Variants in C2CD3 observed in about 807,000 individuals in gnomAD.
C2CD3 encodes the protein C2 domain containing 3 centriole elongation regulator.
Under a neutral mutation model 234.0 loss-of-function variants are expected in C2CD3, and 148 were observed. The observed-to-expected ratio is 0.63, with a 90% CI of 0.55 to 0.72. The LOEUF (loss-of-function observed/expected upper bound fraction) is 0.72, where lower values mean the gene tolerates loss of function less well. Among genes scored for constraint, C2CD3 ranks in the 30% least tolerant of loss-of-function variants. The pLI is 0.00. For synonymous variants in C2CD3, 1,000 were observed against 1,035.4 expected (o/e 0.97, Z 0.66); for missense variants, 2,577 against 2,811.5 (o/e 0.92, Z 1.89).
intron 29 of C2CD3, among the ~76,000 whole-genome samples, chr11:74,040,288 C>A (rs1275291876): frequency 6.6e-6 from 1 of 151,844 alleles, no homozygotes; most frequent in Non-Finnish European, 1.5e-5. Context: ...CCACCCCCAA[C>A]CCCACCCTTG....
At chr11:74,114,309 T>C (rs1956853290) in intron 10 of C2CD3, 75 bp downstream of exon 10, 1 of 947,848 alleles carries the variant, frequency 1.1e-6, no homozygotes, top group Non-Finnish European at 1.7e-6. Flanking sequence ...CACAGTATTA[T>C]GCAATTGTTG....
At chr11:74,136,763 A>T (rs1565335125) in intron 5 of C2CD3, among the ~76,000 whole-genome samples, 1 of 152,076 alleles carries the variant, frequency 6.6e-6, no homozygotes, top group Non-Finnish European at 1.5e-5. Context: ...GAACACATGG[A>T]CACAGGGAGG....
Position 74,093,844 on chromosome 11 carries a change from C to G in C2CD3, c.3316G>C (p.Gly1106Arg). The change falls in exon 18 of 33, where the codon GGT (glycine) becomes CGT (arginine). Residue 1106 changes from glycine to arginine, a missense_variant. Gly to Arg is a moderately radical substitution (Grantham distance 125). Coordinates refer to ENST00000334126, the MANE Select transcript of C2CD3 (RefSeq NM_001286577.2). ...AFSAQGLVPGGGVQFEIWCRY... is the reference protein window; with the variant it reads ...AFSAQGLVPGRGVQFEIWCRY... The stretch of plus-strand genomic sequence containing the variant: ...CACCAGATTTCAAACTGGACTCCAC[C>G]TCCAGGCACGAGGCCCTGTGCAGAG... The G allele has an allele frequency of 1.2e-6, 2 of 1,614,008 alleles. No individual in the cohort carries two copies. Among genetic ancestry groups the G allele is most frequent in the Non-Finnish European group, 1.7e-6 (2 of 1,179,914 alleles).
intron 9 of C2CD3, among the ~76,000 whole-genome samples, chr11:74,115,540 C>G (rs1349371817): frequency 3.3e-5 from 5 of 152,078 alleles, no homozygotes; most frequent in Admixed American, 6.6e-5. Context: ...ATGAAAACGA[C>G]CATACTGCCA....
intron 28 of C2CD3, among the ~76,000 whole-genome samples, chr11:74,042,776 C>A (rs1953135427): frequency 6.6e-6 from 1 of 150,950 alleles, no homozygotes; most frequent in African/African-American, 2.4e-5. Flanking sequence ...CCCCCCAAAA[C>A]CAAAAACCAT....
chr11:74,098,143 C>CT lies in C2CD3; in HGVS notation c.2844dup (p.Val949SerfsTer20). ...TTTGAAGAACCCATAGCTAAAAAGACTCGAAGACTCCCATTTTGGTGGCCT... is the reference window on the plus strand; with the variant it reads ...TTTGAAGAACCCATAGCTAAAAAGACTTCGAAGACTCCCATTTTGGTGGCCT... On this transcript the variant is annotated frameshift_variant, in exon 16 of 33. Transcript: ENST00000334126. LOFTEE classifies it high-confidence loss of function. 6.2e-7 allele frequency: 1 copy of CT among 1,614,066 alleles called. No individual in the cohort carries two copies. Among genetic ancestry groups the CT allele is most frequent in the Middle Eastern group, 1.6e-4 (1 of 6,062 alleles).
At chr11:74,052,478 A>G (rs1428226031) in intron 26 of C2CD3, among the ~76,000 whole-genome samples, 1 of 152,172 alleles carries the variant, frequency 6.6e-6, no homozygotes, top group African/African-American at 2.4e-5. Context: ...CAAGATTTGA[A>G]CTCAGGTCTG....
At chr11:74,037,177 G>C (rs1269348201) in intron 30 of C2CD3, among the ~76,000 whole-genome samples, 2 of 152,086 alleles carry the variant, frequency 1.3e-5, no homozygotes, top group African/African-American at 4.8e-5. Flanking sequence ...TTCTTGGCTG[G>C]GGAAACTGAA....
intron 3 of C2CD3, among the ~76,000 whole-genome samples, 190 bp from the exon 4 acceptor site, chr11:74,140,018 CTACA>C: frequency 2.3e-5 from 3 of 128,150 alleles, no homozygotes; most frequent in Admixed American, 7.4e-5. Context: ...CCCCCATTCC[CTACA>C]GGATTGTAAG....
At position 74,013,246 on chromosome 11, in the gene C2CD3, A is replaced by C. The variant is rs1951755483; in HGVS notation, c.*139T>G. On this transcript the variant is annotated 3_prime_UTR_variant, in exon 33 of 33. Coordinates refer to ENST00000334126, the MANE Select transcript of C2CD3 (RefSeq NM_001286577.2). ...CAGTCTGGGCTGACCGGGTCTCTTG[A>C]GGCATCCGTGGCCTAGGCAAGTGGT... is the stretch of plus-strand genomic sequence containing the variant. The C allele has an allele frequency of 2.4e-6, 1 of 409,094 alleles. No homozygotes were observed. Among genetic ancestry groups the C allele is most frequent in the South Asian group, 8.1e-5 (1 of 12,420 alleles). 25.3% of individuals were successfully genotyped at this position (409,094 alleles called of 1,614,324 possible).
intron 3 of C2CD3, among the ~76,000 whole-genome samples, chr11:74,145,812 C>T (rs1855144412): frequency 1.3e-5 from 2 of 152,062 alleles, no homozygotes; most frequent in Admixed American, 6.6e-5. Flanking sequence ...AGTCCTTTCC[C>T]CCAAATTTTT....
Position 74,033,395 on chromosome 11 carries a change from C to A in C2CD3, c.6765G>T (p.Gln2255His). The change falls in exon 31 of 33, where the codon CAG (glutamine) becomes CAT (histidine). Residue 2255 changes from glutamine (Q) to histidine (H), a missense_variant. Coordinates refer to ENST00000334126, the MANE Select transcript of C2CD3 (RefSeq NM_001286577.2). ...TGGACGTCTCTGATCCAGTTGTCAC[C>A]TGCCTCTGCCTGATGTCAGAGGAGT... Reference protein sequence around the residue: ...PIDSSDIRQRQVTTGSETSTK... With the variant: ...PIDSSDIRQRHVTTGSETSTK... The A allele has an allele frequency of 6.5e-7, 1 of 1,536,186 alleles. No individual in the cohort carries two copies. Among genetic ancestry groups the A allele is most frequent in the Non-Finnish European group, 8.7e-7 (1 of 1,146,916 alleles).
chr11:74,138,340 G>C (rs1427926742), intron 5 of C2CD3, among the ~76,000 whole-genome samples: 1 of 152,166 alleles, frequency 6.6e-6, no homozygotes, highest in Non-Finnish European at 1.5e-5. Context: ...AATGTGAAAT[G>C]GATTTTGTAC....
At chr11:74,020,676 G>A (rs184629501) in intron 32 of C2CD3, among the ~76,000 whole-genome samples, 7 of 152,308 alleles carry the variant, frequency 4.6e-5, no homozygotes, top group South Asian at 2.1e-4. Context: ...TGAGTTCCCC[G>A]AGGGAAGCTC....
At chr11:74,066,295 A>C (rs1328529635) in intron 24 of C2CD3, among the ~76,000 whole-genome samples, 1 of 51,268 alleles carries the variant, frequency 2.0e-5, no homozygotes, top group African/African-American at 6.4e-5. Flanking sequence ...TAGGAGATAT[A>C]CCTAATGTAA....
chr11:74,147,037 T>TAAGA, intron 3 of C2CD3, among the ~76,000 whole-genome samples: 1 of 151,286 alleles, frequency 6.6e-6, no homozygotes, highest in Non-Finnish European at 1.5e-5. Flanking sequence ...GATGACAGAG[T>TAAGA]AAGACTCTGT....
chr11:74,106,444 G>A lies in C2CD3; in HGVS notation c.2012C>T (p.Ser671Leu), dbSNP rs745649083. ...VSLSLRAVIQSELLSFSDQLP... is the reference protein window; with the variant it reads ...VSLSLRAVIQLELLSFSDQLP... ...CTGATCACTGAAAGAAAGCAGCTCT[G>A]ATTGAATGACAGCTCGCAAAGAAAG... is the stretch of plus-strand genomic sequence containing the variant. Residue 671 changes from serine to leucine, a missense_variant, in exon 13 of 33, where the codon TCA (serine) becomes TTA (leucine). Transcript: ENST00000334126. 3 of 1,613,832 alleles carry A rather than the reference G, an allele frequency of 1.9e-6. No homozygotes were observed. Among genetic ancestry groups the A allele is most frequent in the Non-Finnish European group, 2.5e-6 (3 of 1,179,712 alleles).
chr11:74,028,951 T>A (rs1952415127), intron 31 of C2CD3, among the ~76,000 whole-genome samples: 1 of 152,214 alleles, frequency 6.6e-6, no homozygotes, highest in Admixed American at 6.5e-5. Context: ...TGCCCTGCAC[T>A]GAAGGAGGGC....
At chr11:74,170,135 A>G (rs151181933) in intron 1 of C2CD3, among the ~76,000 whole-genome samples, 127 of 152,188 alleles carry the variant, frequency 8.3e-4, no homozygotes, top group African/African-American at 2.9e-3. Flanking sequence ...ACACTCTTTC[A>G]TGATCTCAGG....
Sources: gnomAD v4.1 joint callset for allele counts (sites outside exome capture counted in the v4.1 genomes callset) on GRCh38, gnomAD v4.1.1 for gene constraint, MANE v1.5 for transcripts, NCBI Gene and HGNC (gene_info 2026-07-23, HGNC 2026-07-21) for gene names.